The following PIK3AP1 variants were observed in gnomAD, a reference collection of about 807,000 sequenced individuals.
PIK3AP1 encodes phosphoinositide-3-kinase adaptor protein 1, also known as phosphoinositide 3-kinase adapter protein 1.
In PIK3AP1, 21 loss-of-function variants were observed where a neutral mutation model predicts 88.1. The ratio of observed to expected loss-of-function variants is 0.24; its 90% confidence interval spans 0.17 to 0.34. The LOEUF (loss-of-function observed/expected upper bound fraction) is 0.34, where lower values mean the gene tolerates loss of function less well. Ranked by LOEUF, PIK3AP1 falls within the 10% of genes least tolerant of loss-of-function variation. The pLI, the probability that PIK3AP1 is intolerant of heterozygous loss-of-function variation, is 1.00. For missense variants in PIK3AP1, 828 were observed against 1,035.7 expected (o/e 0.80, Z 2.75); for synonymous variants, 398 against 400.0 (o/e 1.00, Z 0.06).
rs1428360206 is a variant in PIK3AP1 at position 96,709,970 on chromosome 10, T to A, written c.27A>T (p.Gly9=). The change falls in exon 2 of 17, where the codon GGA becomes GGT. Residue 9 remains glycine (G), a synonymous_variant. Coordinates refer to ENST00000339364, the MANE Select transcript of PIK3AP1 (RefSeq NM_152309.3). ...GGCTGTAGACGATGAGGATGTCGCA[T>A]CCTCTGGGCACCCCTGGACAAGAAT... MAASGVPR[G]CDILIVYSPD... The A allele has an allele frequency of 6.3e-7, 1 of 1,587,918 alleles. No individual in the cohort carries two copies. Among genetic ancestry groups the A allele is most frequent in the East Asian group, 2.3e-5 (1 of 44,340 alleles).
chr10:96,626,360 G>A (rs565058114), intron 10 of PIK3AP1, among the ~76,000 whole-genome samples: 25 of 152,298 alleles, frequency 1.6e-4, no homozygotes, highest in Admixed American at 7.8e-4. Flanking sequence ...ATTAAATGGC[G>A]TGTTCCAGAT....
rs143633142 is a variant in PIK3AP1 at position 96,599,774 on chromosome 10, C to T, written c.2360+2506G>A. Among the ~76,000 whole-genome samples the T allele has an allele frequency of 2.4e-3, 365 of 152,216 alleles. 1 individual carries two copies. Among genetic ancestry groups the T allele is most frequent in the African/African-American group, 7.6e-3 (314 of 41,516 alleles). On this transcript the variant is annotated intron_variant, in intron 16 of 16. Coordinates refer to ENST00000339364, the MANE Select transcript of PIK3AP1 (RefSeq NM_152309.3). ...TTTCACACCAAAAATGCACCCAAACCCCAAGTTCTATCAATTACAAACTGC... is the reference window on the plus strand; with the variant it reads ...TTTCACACCAAAAATGCACCCAAACTCCAAGTTCTATCAATTACAAACTGC...
At chr10:96,673,804 A>C (rs504413) in intron 2 of PIK3AP1, among the ~76,000 whole-genome samples, 10,340 of 152,248 alleles carry the variant, frequency 0.068, 489 homozygotes, top group African/African-American at 0.13. Context: ...CTTGACAATA[A>C]CTAAGCTGAA....
intron 16 of PIK3AP1, among the ~76,000 whole-genome samples, chr10:96,596,684 C>T (rs1313519688): frequency 6.6e-6 from 1 of 152,164 alleles, no homozygotes; most frequent in African/African-American, 2.4e-5. Flanking sequence ...CCATGTTATT[C>T]TGTATGGTTT....
At chr10:96,609,648 GGTCCAAGGGTGCCA>G in intron 14 of PIK3AP1, 50 bp downstream of exon 14, 1 of 1,548,884 alleles carries the variant, frequency 6.5e-7, no homozygotes, top group Non-Finnish European at 8.7e-7. Flanking sequence ...TGTTTCCTAA[GGTCCAAGGGTGCCA>G]GCTGGAGCCC....
chr10:96,609,988 A>C, intron 13 of PIK3AP1, 121 bp from the exon 14 acceptor site: 1 of 1,289,820 alleles, frequency 7.8e-7, no homozygotes, highest in Non-Finnish European at 1.1e-6. Context: ...GGGAAGGGGA[A>C]GGGAAAAGAC....
At chr10:96,693,514 G>A (rs1470488325) in intron 2 of PIK3AP1, among the ~76,000 whole-genome samples, 1 of 151,212 alleles carries the variant, frequency 6.6e-6, no homozygotes, top group Non-Finnish European at 1.5e-5. Flanking sequence ...CTAAAATGTT[G>A]AATACTTCTC....
chr10:96,673,452 C>T (rs745859965), intron 2 of PIK3AP1, among the ~76,000 whole-genome samples: 44 of 152,164 alleles, frequency 2.9e-4, no homozygotes, highest in Non-Finnish European at 1.6e-4. Context: ...CCTGTTTCCT[C>T]GTTCAGGAAA....
rs146152438 is a variant in PIK3AP1 at position 96,657,409 on chromosome 10, G to T, written c.431-475C>A. ...ATGGCTAGCCAATGTATCCCCTCTG[G>T]AAGCAAAAGTGAAAAGCAATCATTT... On this transcript the variant is annotated intron_variant, in intron 2 of 16. Transcript: ENST00000339364. Among the ~76,000 whole-genome samples, 450 of 152,294 alleles carry T rather than the reference G, an allele frequency of 3.0e-3. 2 individuals carry two copies. Among genetic ancestry groups the T allele is most frequent in the Non-Finnish European group, 5.4e-3 (364 of 68,034 alleles).
Position 96,626,834 on chromosome 10 carries a change from T to C in PIK3AP1, c.1543A>G (p.Thr515Ala), listed in dbSNP as rs562675343. The C allele has an allele frequency of 7.4e-6, 12 of 1,614,186 alleles. No individual in the cohort carries two copies. Among genetic ancestry groups the C allele is most frequent in the Admixed American group, 1.7e-5 (1 of 60,030 alleles). Residue 515 changes from threonine to alanine, a missense_variant, in exon 10 of 17, where the codon ACG becomes GCG. By Grantham distance (58) the Thr-to-Ala change is moderately conservative. Coordinates refer to ENST00000339364, the MANE Select transcript of PIK3AP1 (RefSeq NM_152309.3). ...GAAAAGGCCTCATCGTCATCCACCG[T>C]GTGATAAACATCTTCTTCCTGACCA... ...HLGQEEDVYHTVDDDEAFSVD... is the reference protein window; with the variant it reads ...HLGQEEDVYHAVDDDEAFSVD...
At chr10:96,650,994 A>G (rs1310051466) in intron 6 of PIK3AP1, among the ~76,000 whole-genome samples, 4 of 152,256 alleles carry the variant, frequency 2.6e-5, no homozygotes, top group Admixed American at 2.6e-4. Context: ...ACGCCAAACC[A>G]ATTTAAAATC....
rs565282272 is a variant in PIK3AP1, at chr10:96,666,876, C to A, written c.431-9942G>T. Among the ~76,000 whole-genome samples, 6 of 152,148 alleles carry A rather than the reference C, an allele frequency of 3.9e-5. No homozygotes were observed. In the South Asian group the frequency reaches 1.2e-3, roughly 32 times the overall value. On this transcript the variant is annotated intron_variant, in intron 2 of 16. Coordinates refer to ENST00000339364, the MANE Select transcript of PIK3AP1 (RefSeq NM_152309.3). The stretch of plus-strand genomic sequence containing the variant: ...AGCAGAGGTAGGAATCCACTCCCCA[C>A]CCCCAGGTGCCACTGCCCTGCCTCC...
At chr10:96,602,814 C>T (rs1461960076) in intron 15 of PIK3AP1, among the ~76,000 whole-genome samples, 1 of 152,150 alleles carries the variant, frequency 6.6e-6, no homozygotes, top group East Asian at 1.9e-4. Context: ...CAAATTGGGC[C>T]AACTTGGAAT....
At chr10:96,628,881 T>TAC (rs150595125) in intron 8 of PIK3AP1, among the ~76,000 whole-genome samples, 961 of 88,450 alleles carry the variant, frequency 0.011, 138 homozygotes, top group Non-Finnish European at 0.013. Flanking sequence ...TACACATATA[T>TAC]ATATATACAT....
chr10:96,709,746 A>G lies in PIK3AP1; in HGVS notation c.251T>C (p.Leu84Ser). The change falls in exon 2 of 17, where the codon TTG becomes TCG. Residue 84 changes from leucine (L) to serine (S), a missense_variant. Transcript: ENST00000339364. Reference protein sequence around the residue: ...ELVQHFHKPALLPLLQRAFHP... With the variant: ...ELVQHFHKPASLPLLQRAFHP... ...GAAAGCTCTCTGCAGCAGGGGCAGCAAGGCGGGCTTGTGGAAGTGCTGCAC... is the reference window on the plus strand; with the variant it reads ...GAAAGCTCTCTGCAGCAGGGGCAGCGAGGCGGGCTTGTGGAAGTGCTGCAC... 2 of 1,614,052 alleles carry G rather than the reference A, an allele frequency of 1.2e-6. No individual in the cohort carries two copies. Among genetic ancestry groups the G allele is most frequent in the East Asian group, 2.2e-5 (1 of 44,882 alleles).
intron 2 of PIK3AP1, among the ~76,000 whole-genome samples, chr10:96,684,423 G>A (rs628361): frequency 0.086 from 13,051 of 152,240 alleles, 1,864 homozygotes; most frequent in African/African-American, 0.3. Flanking sequence ...AGCGAGGCTT[G>A]TGCTGAGGCC....
chr10:96,708,791 G>A (rs535399919), intron 2 of PIK3AP1, among the ~76,000 whole-genome samples: 21 of 151,988 alleles, frequency 1.4e-4, no homozygotes, highest in African/African-American at 5.1e-4. Context: ...TAGGCTGGTG[G>A]GAAATAGAGA....
At chr10:96,604,343 A>G (rs1848962540) in intron 14 of PIK3AP1, among the ~76,000 whole-genome samples, 1 of 104,986 alleles carries the variant, frequency 9.5e-6, no homozygotes, top group Non-Finnish European at 1.9e-5. Context: ...ACACCTAGCC[A>G]ATTTTTTTTT....
rs2134239279 is a variant in PIK3AP1 at position 96,656,800 on chromosome 10, C to G, written c.565G>C (p.Gly189Arg). Reference sequence around the variant, plus strand: ...ACCAGGCCCCCAGCAGTGCCTACCCCACAGCGAATGCGGTCCGGCTGCACC... The same window carrying G: ...ACCAGGCCCCCAGCAGTGCCTACCCGACAGCGAATGCGGTCCGGCTGCACC... ...MVVQPDRIRC[G>R]AETTVYVIVR... is the part of the protein sequence containing the mutation. The change falls in exon 3 of 17, where the codon GGG becomes CGG. Residue 189 changes from glycine (G) to arginine (R), a missense_variant and splice_region_variant. Gly to Arg is a moderately radical substitution (Grantham distance 125). Around this residue, in one of 3 missense-constraint regions of PIK3AP1, gnomAD observed 610 missense variants for 760.1 expected, o/e 0.80. Coordinates refer to ENST00000339364, the MANE Select transcript of PIK3AP1 (RefSeq NM_152309.3). 6.2e-7 allele frequency: 1 copy of G among 1,614,008 alleles called. No individual in the cohort carries two copies. The highest frequency in any genetic ancestry group is 8.5e-7 in the Non-Finnish European group (1 of 1,180,010).
Sources: allele counts gnomAD v4.1 joint callset (sites outside exome capture counted in the v4.1 genomes callset), GRCh38; gene constraint gnomAD v4.1.1; regional missense constraint gnomAD v4.1.1; transcripts MANE v1.5; gene names NCBI Gene and HGNC (gene_info 2026-07-23, HGNC 2026-07-21).